RSBN1L: variants seen among roughly 807,000 people sequenced by gnomAD.
RSBN1L encodes lysine-specific demethylase RSBN1L.
RSBN1L carries 30 observed loss-of-function variants against 67.7 expected under a neutral mutation model. That is an observed-to-expected ratio of 0.44 (90% CI 0.33 to 0.60). The LOEUF (loss-of-function observed/expected upper bound fraction) is 0.60. RSBN1L is among the 20% of genes least tolerant of loss of function. RSBN1L has a pLI of 0.02. For missense variants in RSBN1L, 992 were observed against 1,031.7 expected, an observed-to-expected ratio of 0.96 and a Z score of 0.53; for synonymous variants, 433 against 387.0, an observed-to-expected ratio of 1.12 and a Z score of -1.39.
chr7:77,749,640 A>C lies in RSBN1L; in HGVS notation c.920A>C (p.Asn307Thr). Reference protein sequence around the residue: ...NDNIKDYVGKNLDTKNYDSKI... With the variant: ...NDNIKDYVGKTLDTKNYDSKI... ...AACATAAAAGATTACGTTGGGAAGA[A>C]TTTGGATACCAAGAACTATGATTCC... is the stretch of plus-strand genomic sequence containing the variant. Residue 307 changes from asparagine to threonine, a missense_variant, in exon 3 of 8, where the codon AAT becomes ACT. Around this residue, in one of 7 missense-constraint regions of RSBN1L, gnomAD observed 575 missense variants for 483.2 expected, o/e 1.19. Transcript: ENST00000334955. 6.2e-7 allele frequency: 1 copy of C among 1,614,118 alleles called. No homozygotes were observed. Among genetic ancestry groups the C allele is most frequent in the South Asian group, 1.1e-5 (1 of 91,064 alleles).
At chr7:77,719,318 GTATA>G (rs998795899) in intron 1 of RSBN1L, among the ~76,000 whole-genome samples, 4 of 152,278 alleles carry the variant, frequency 2.6e-5, no homozygotes, top group African/African-American at 9.6e-5. Flanking sequence ...GTAACTAAGA[GTATA>G]TAACAAGTAC....
chr7:77,746,050 C>G (rs1025142303), intron 2 of RSBN1L, among the ~76,000 whole-genome samples: 2 of 152,172 alleles, frequency 1.3e-5, no homozygotes, highest in African/African-American at 2.4e-5. Flanking sequence ...CTGCTCACCT[C>G]CTGCTGTGTG....
rs1791949060 is a variant in RSBN1L at position 77,778,525 on chromosome 7, T to C, written c.1903-5T>C. The C allele has an allele frequency of 1.2e-6, 2 of 1,601,252 alleles. No homozygotes were observed. Among genetic ancestry groups the C allele is most frequent in the African/African-American group, 2.7e-5 (2 of 74,256 alleles). ...ATTTGTATTTCTTGTTTTATTATTT[T>C]TTAGTGTGTCCAATGGGTTGATGAT... On this transcript the variant is annotated splice_polypyrimidine_tract_variant and splice_region_variant and intron_variant, in intron 7 of 7. Transcript: ENST00000334955.
At chr7:77,710,065 A>G (rs1425203292) in intron 1 of RSBN1L, among the ~76,000 whole-genome samples, 1 of 152,116 alleles carries the variant, frequency 6.6e-6, no homozygotes, top group Non-Finnish European at 1.5e-5. Flanking sequence ...ACTGTCTTTC[A>G]TATCTTTCCA....
rs529886163 is a variant in RSBN1L, at chr7:77,718,811, A to G, written c.587-17599A>G. ...GATTTTGTGAATCACAAATTCTGGC[A>G]TGATTGGCTGGGTGATTTCCTCTGC... On this transcript the variant is annotated intron_variant, in intron 1 of 7. Coordinates refer to ENST00000334955, the MANE Select transcript of RSBN1L (RefSeq NM_198467.3). Among the ~76,000 whole-genome samples the G allele has an allele frequency of 2.6e-5, 4 of 152,342 alleles. No individual in the cohort carries two copies. The East Asian group carries it at 7.7e-4, about 29-fold the overall frequency.
chr7:77,747,744 T>G (rs1467131673), intron 2 of RSBN1L, among the ~76,000 whole-genome samples: 1 of 152,184 alleles, frequency 6.6e-6, no homozygotes, highest in African/African-American at 2.4e-5. Context: ...TCAGATGTCT[T>G]TATAGCAATG....
chr7:77,731,109 T>A (rs1220350693), intron 1 of RSBN1L, among the ~76,000 whole-genome samples: 1 of 152,210 alleles, frequency 6.6e-6, no homozygotes, highest in Non-Finnish European at 1.5e-5. Flanking sequence ...TTTTTATTTG[T>A]GTTTCCTTGA....
At chr7:77,714,206 C>T (rs1791014132) in intron 1 of RSBN1L, among the ~76,000 whole-genome samples, 1 of 152,084 alleles carries the variant, frequency 6.6e-6, no homozygotes, top group African/African-American at 2.4e-5. Flanking sequence ...CAGAATTTTC[C>T]TGGCTTTTTG....
At chr7:77,705,533 A>C (rs1790880403) in intron 1 of RSBN1L, among the ~76,000 whole-genome samples, 1 of 34,874 alleles carries the variant, frequency 2.9e-5, no homozygotes, top group Non-Finnish European at 4.9e-5. Flanking sequence ...TTTTTTTGTG[A>C]TGGAGTCTTG....
At chr7:77,701,564 C>T (rs1562791907) in intron 1 of RSBN1L, among the ~76,000 whole-genome samples, 1 of 151,784 alleles carries the variant, frequency 6.6e-6, no homozygotes, top group Non-Finnish European at 1.5e-5. Context: ...AATGTCAATC[C>T]TTTCACTGAA....
At chr7:77,755,886 CTTG>C (rs1791611251) in intron 3 of RSBN1L, among the ~76,000 whole-genome samples, 1 of 152,170 alleles carries the variant, frequency 6.6e-6, no homozygotes, top group South Asian at 2.1e-4. Flanking sequence ...AGAACCTGCT[CTTG>C]TTATGAGATG....
chr7:77,728,817 C>T (rs147063164), intron 1 of RSBN1L, among the ~76,000 whole-genome samples: 53 of 152,310 alleles, frequency 3.5e-4, no homozygotes, highest in African/African-American at 1.2e-3. Flanking sequence ...AGGGGAATCA[C>T]AGAAGTCGAT....
chr7:77,773,272 C>T lies in RSBN1L; in HGVS notation c.1751C>T (p.Thr584Ile). ...HIGQGFERQT[T>I]AAVGVLKAVH... ...GGACAAGGTTTTGAACGACAGACTA[C>T]AGCTGCTGTTGGAGTGCTGAAGGCT... Residue 584 changes from threonine to isoleucine, a missense_variant, in exon 6 of 8, where the codon ACA becomes ATA. Thr to Ile is a moderately conservative substitution (Grantham distance 89). This residue lies in a region of RSBN1L where 67 missense variants were observed against 130.5 expected (regional missense o/e 0.51). Coordinates refer to ENST00000334955, the MANE Select transcript of RSBN1L (RefSeq NM_198467.3). 2 of 1,610,172 alleles carry T rather than the reference C, an allele frequency of 1.2e-6. No homozygotes were observed. Among genetic ancestry groups the T allele is most frequent in the Non-Finnish European group, 1.7e-6 (2 of 1,178,284 alleles).
chr7:77,720,543 G>A (rs1044314105), intron 1 of RSBN1L, among the ~76,000 whole-genome samples: 2 of 151,986 alleles, frequency 1.3e-5, no homozygotes, highest in African/African-American at 4.8e-5. Flanking sequence ...TGGGCAACAA[G>A]AGCGAAACTC....
intron 3 of RSBN1L, among the ~76,000 whole-genome samples, chr7:77,755,200 A>G (rs1791601165): frequency 6.6e-6 from 1 of 152,184 alleles, no homozygotes; most frequent in Non-Finnish European, 1.5e-5. Flanking sequence ...GCAAAAACAA[A>G]TTGTGGATAA....
chr7:77,713,462 T>G (rs1308541232), intron 1 of RSBN1L, among the ~76,000 whole-genome samples: 1 of 151,926 alleles, frequency 6.6e-6, no homozygotes, highest in Admixed American at 6.6e-5. Context: ...GTTCACGCCA[T>G]TCTCCTACCT....
At chr7:77,721,827 C>T (rs551353674) in intron 1 of RSBN1L, among the ~76,000 whole-genome samples, 11 of 152,146 alleles carry the variant, frequency 7.2e-5, no homozygotes, top group Non-Finnish European at 1.3e-4. Context: ...TTTATTCATT[C>T]GTTTTAAGCA....
At chr7:77,711,872 A>G (rs985083131) in intron 1 of RSBN1L, among the ~76,000 whole-genome samples, 4 of 152,190 alleles carry the variant, frequency 2.6e-5, no homozygotes, top group African/African-American at 7.2e-5. Context: ...GTAATATACA[A>G]TGGAAAAACC....
At position 77,749,479 on chromosome 7, in the gene RSBN1L, GAAGAAA is replaced by G. The variant is rs754878002; in HGVS notation, c.772_777del (p.Lys258_Lys259del). On this transcript the variant is annotated inframe_deletion, in exon 3 of 8. Coordinates refer to ENST00000334955, the MANE Select transcript of RSBN1L (RefSeq NM_198467.3). ...AAGACTTACAAATTAAAAAGGTAAA[GAAGAAA>G]AAGAAAAAGAAACACAAAGAGAATG... 13 of 1,589,950 alleles carry G rather than the reference GAAGAAA, an allele frequency of 8.2e-6. No individual in the cohort carries two copies. The highest frequency in any genetic ancestry group is 1.7e-4 in the Middle Eastern group (1 of 5,958).
Sources: allele counts gnomAD v4.1 joint callset (sites outside exome capture counted in the v4.1 genomes callset), GRCh38; gene constraint gnomAD v4.1.1; regional missense constraint gnomAD v4.1.1; transcripts MANE v1.5; gene names NCBI Gene and HGNC (gene_info 2026-07-23, HGNC 2026-07-21).